Variants in NBAS observed in about 807,000 individuals in gnomAD.
NBAS encodes the protein NAG/BC035112 fusion.
NBAS carries 219 observed loss-of-function variants against 302.5 expected under a neutral mutation model. The observed-to-expected ratio is 0.72, with a 90% CI of 0.65 to 0.81. The LOEUF (loss-of-function observed/expected upper bound fraction) is 0.81. NBAS is among the 30% of genes least tolerant of loss of function. The probability of loss-of-function intolerance (pLI) is 0.00; values close to 1 mark genes in which losing one functional copy is unlikely to be tolerated. For synonymous variants in NBAS, 1,118 were observed against 1,021.6 expected (o/e 1.09, Z -1.80); for missense variants, 2,932 against 2,841.6 (o/e 1.03, Z -0.72).
chr2:15,065,866 A>G, the NBAS span, among the ~76,000 whole-genome samples: 4 of 152,150 alleles, frequency 2.6e-5, no homozygotes, highest in African/African-American at 9.6e-5. Context: ...TCCCAATGAC[A>G]TTTTTTACAG....
chr2:14,953,914 T>A, the NBAS span, among the ~76,000 whole-genome samples: 1 of 152,116 alleles, frequency 6.6e-6, no homozygotes, highest in African/African-American at 2.4e-5. Flanking sequence ...GATGTGGTGC[T>A]CTGGATGGGA....
chr2:14,942,808 A>T, the NBAS span, among the ~76,000 whole-genome samples: 1 of 152,200 alleles, frequency 6.6e-6, no homozygotes, highest in African/African-American at 2.4e-5. Flanking sequence ...ATCACAGCTG[A>T]GTCTCAATCT....
At chr2:15,236,636 T>C (rs1352827922) in intron 45 of NBAS, among the ~76,000 whole-genome samples, 2 of 149,018 alleles carry the variant, frequency 1.3e-5, no homozygotes, top group African/African-American at 2.5e-5. Context: ...AAGTTTAAAA[T>C]AATTTTAGAT....
At chr2:15,380,170 T>C (rs1674963341) in intron 29 of NBAS, among the ~76,000 whole-genome samples, 1 of 152,220 alleles carries the variant, frequency 6.6e-6, no homozygotes, top group South Asian at 2.1e-4. Flanking sequence ...GGATTACACA[T>C]ACTGTCCCAC....
chr2:15,074,381 G>T, the NBAS span, among the ~76,000 whole-genome samples: 1 of 139,140 alleles, frequency 7.2e-6, no homozygotes, highest in Non-Finnish European at 1.5e-5. Flanking sequence ...ATGGAAAGAA[G>T]GAAGGATGGA....
intron 43 of NBAS, 90 bp downstream of exon 43, chr2:15,276,761 C>A (rs1242726442): frequency 1.9e-6 from 3 of 1,593,306 alleles, no homozygotes; most frequent in South Asian, 2.2e-5. Context: ...AGCTCTGCAA[C>A]CATAATGCAT....
chr2:14,970,874 CA>C, the NBAS span, among the ~76,000 whole-genome samples: 1 of 152,162 alleles, frequency 6.6e-6, no homozygotes, highest in Non-Finnish European at 1.5e-5. Context: ...TGTATTAAAG[CA>C]AGGATTTGTT....
the NBAS span, among the ~76,000 whole-genome samples, chr2:15,082,389 C>T: frequency 1.3e-5 from 2 of 152,152 alleles, no homozygotes; most frequent in South Asian, 2.1e-4. Context: ...TCTACCCTAA[C>T]GACTCCTCTA....
intron 28 of NBAS, among the ~76,000 whole-genome samples, chr2:15,391,396 T>A: frequency 6.7e-6 from 1 of 150,006 alleles, no homozygotes. Context: ...AAACTCTTAA[T>A]GAAAAATATA....
chr2:15,412,727 A>G (rs1676737390), intron 25 of NBAS, among the ~76,000 whole-genome samples: 1 of 152,204 alleles, frequency 6.6e-6, no homozygotes, highest in Non-Finnish European at 1.5e-5. Context: ...TAAGAATCAC[A>G]ATAGAAGTCA....
At chr2:15,445,500 T>C (rs1311898931) in intron 21 of NBAS, among the ~76,000 whole-genome samples, 1 of 104,304 alleles carries the variant, frequency 9.6e-6, no homozygotes, top group African/African-American at 3.7e-5. Flanking sequence ...CTCTGGGGAC[T>C]GTTGTGGGGT....
intron 21 of NBAS, among the ~76,000 whole-genome samples, chr2:15,445,262 C>A (rs2148524696): frequency 6.8e-6 from 1 of 146,518 alleles, no homozygotes; most frequent in East Asian, 2.0e-4. Flanking sequence ...ACCCAAATGT[C>A]CAACAATGAT....
the NBAS span, among the ~76,000 whole-genome samples, chr2:15,129,489 T>C: frequency 6.6e-6 from 1 of 152,186 alleles, no homozygotes; most frequent in East Asian, 1.9e-4. Context: ...CCAGCATCCC[T>C]GCCCTGTCCC....
At chr2:15,306,710 C>T (rs1671050427) in intron 40 of NBAS, among the ~76,000 whole-genome samples, 1 of 151,638 alleles carries the variant, frequency 6.6e-6, no homozygotes, top group African/African-American at 2.4e-5. Flanking sequence ...TACTTTTAAC[C>T]CTTATCTTTC....
chr2:15,380,408 T>G (rs1386289121), intron 29 of NBAS, among the ~76,000 whole-genome samples: 2 of 152,012 alleles, frequency 1.3e-5, no homozygotes, highest in African/African-American at 4.8e-5. Context: ...AGAAAAATCT[T>G]TGAATACAAT....
the NBAS span, among the ~76,000 whole-genome samples, chr2:15,008,349 A>C: frequency 6.6e-6 from 1 of 152,218 alleles, no homozygotes; most frequent in South Asian, 2.1e-4. Flanking sequence ...TCTTGGAGTT[A>C]ATTCACTAGA....
chr2:14,836,724 C>A, the NBAS span, among the ~76,000 whole-genome samples: 2 of 151,842 alleles, frequency 1.3e-5, no homozygotes, highest in African/African-American at 4.8e-5. Flanking sequence ...TACAGTCACA[C>A]AAACCATTGG....
At chr2:15,546,704 A>C (rs548238170) in intron 6 of NBAS, among the ~76,000 whole-genome samples, 16 of 152,352 alleles carry the variant, frequency 1.1e-4, no homozygotes, top group African/African-American at 3.6e-4. Context: ...CTCCAGCCTC[A>C]GTGACAGAGC....
chr2:15,346,798 A>G (rs777437957), intron 35 of NBAS, among the ~76,000 whole-genome samples: 2 of 152,260 alleles, frequency 1.3e-5, no homozygotes, highest in Non-Finnish European at 2.9e-5. Context: ...TGGTACATAT[A>G]TACCATGGAA....
Sources: allele counts gnomAD v4.1 joint callset (sites outside exome capture counted in the v4.1 genomes callset), GRCh38; gene constraint gnomAD v4.1.1; transcripts MANE v1.5; gene names NCBI Gene and HGNC (gene_info 2026-07-23, HGNC 2026-07-21).